The following WDR48 variants were observed in gnomAD, a reference collection of about 807,000 sequenced individuals.
WDR48 encodes WD repeat domain 48, also known as WD repeat-containing protein 48.
Under a neutral mutation model 94.0 loss-of-function variants are expected in WDR48, and 22 were observed. That is an observed-to-expected ratio of 0.23 (90% CI 0.17 to 0.33). WDR48 has a LOEUF of 0.33. Ranked by LOEUF, WDR48 falls within the 10% of genes least tolerant of loss-of-function variation. The pLI is 1.00. For synonymous variants in WDR48, 278 were observed against 280.5 expected (o/e 0.99, Z 0.09); for missense variants, 541 against 813.8 (o/e 0.66, Z 4.08).
intron 11 of WDR48, among the ~76,000 whole-genome samples, chr3:39,082,676 T>C (rs1006162503): frequency 2.6e-5 from 4 of 152,108 alleles, no homozygotes; most frequent in African/African-American, 9.7e-5. Context: ...ATGGAAGTGA[T>C]GTAGGGAATG....
Position 39,085,447 on chromosome 3 carries a change from C to A in WDR48, c.1379-68C>A, listed in dbSNP as rs1420858898. Reference sequence around the variant, plus strand: ...TATGTACAAACTTACAATTTTTATTCTATTTTTAGGTTAAAGCCAAGTAAC... The same window carrying A: ...TATGTACAAACTTACAATTTTTATTATATTTTTAGGTTAAAGCCAAGTAAC... On this transcript the variant is annotated intron_variant, in intron 13 of 18. Transcript: ENST00000302313. 4.1e-6 allele frequency: 5 copies of A among 1,221,342 alleles called. No homozygotes were observed. The South Asian group carries it at 6.4e-5, about 16-fold the overall frequency. 75.7% of individuals were successfully genotyped at this position (1,221,342 alleles called of 1,614,324 possible). A position where few individuals can be genotyped will look rare whatever the true frequency, so the allele number is the denominator to read the frequency against.
chr3:39,078,224 G>T lies in WDR48; in HGVS notation c.1060G>T (p.Asp354Tyr). The T allele has an allele frequency of 1.2e-6, 2 of 1,611,990 alleles. No individual in the cohort carries two copies. The highest frequency in any genetic ancestry group is 2.2e-5 in the South Asian group (2 of 90,806). The change falls in exon 10 of 19, where the codon GAC becomes TAC. Residue 354 changes from aspartate (D) to tyrosine (Y), a missense_variant. Around this residue, in one of 5 missense-constraint regions of WDR48, gnomAD observed 238 missense variants for 285.3 expected, o/e 0.83. Transcript: ENST00000302313. Reference protein sequence around the residue: ...NPITPLCTQPDQVIKGGASII... With the variant: ...NPITPLCTQPYQVIKGGASII... ...TATAACACCTCTTTGTACACAACCTGACCAGGTTATTAAAGGTAAGAAAAT... is the reference window on the plus strand; with the variant it reads ...TATAACACCTCTTTGTACACAACCTTACCAGGTTATTAAAGGTAAGAAAAT...
chr3:39,079,558 A>C (rs899645651), intron 10 of WDR48, among the ~76,000 whole-genome samples, 153 bp from the exon 11 acceptor site: 1 of 152,224 alleles, frequency 6.6e-6, no homozygotes, highest in Non-Finnish European at 1.5e-5. Context: ...GAATTGCTTT[A>C]GATATAATTA....
intron 14 of WDR48, chr3:39,086,310 G>A (rs1462539218): frequency 1.3e-5 from 2 of 152,206 alleles, no homozygotes. Context: ...GCTGGTTGAG[G>A]AATCATTGAG....
intron 3 of WDR48, 70 bp from the exon 4 acceptor site, chr3:39,066,475 ATTG>A: frequency 1.6e-6 from 2 of 1,252,568 alleles, no homozygotes; most frequent in Non-Finnish European, 2.3e-6. Context: ...ATAATGTTAC[ATTG>A]TTGTAAGATA....
Position 39,079,739 on chromosome 3 carries a change from T to G in WDR48, c.1104T>G (p.Ile368Met). ...GTGCTAGTATTATTCAGTGCCACAT[T>G]CTTAATGATAAGAGACATATATTAA... Reference protein sequence around the residue: ...KGGASIIQCHILNDKRHILTK... With the variant: ...KGGASIIQCHMLNDKRHILTK... The change falls in exon 11 of 19, where the codon ATT (isoleucine) becomes ATG (methionine). Residue 368 changes from isoleucine to methionine, a missense_variant. Around this residue, in one of 5 missense-constraint regions of WDR48, gnomAD observed 238 missense variants for 285.3 expected, o/e 0.83. Coordinates refer to ENST00000302313, the MANE Select transcript of WDR48 (RefSeq NM_020839.4). 1 of 1,564,596 alleles carries G rather than the reference T, an allele frequency of 6.4e-7. No individual in the cohort carries two copies. The highest frequency in any genetic ancestry group is 8.6e-7 in the Non-Finnish European group (1 of 1,163,040).
chr3:39,087,002 G>T (rs1292761803), intron 14 of WDR48, among the ~76,000 whole-genome samples: 4 of 152,168 alleles, frequency 2.6e-5, no homozygotes, highest in Admixed American at 6.5e-5. Flanking sequence ...CCCTTACCAA[G>T]TTTCAGGTGG....
chr3:39,094,308 C>T (rs1420924167), intron 18 of WDR48: 2 of 1,423,204 alleles, frequency 1.4e-6, no homozygotes, highest in East Asian at 2.6e-5. Context: ...GACACATGGT[C>T]TTCTTGATTT....
intron 14 of WDR48, among the ~76,000 whole-genome samples, chr3:39,085,890 C>CT (rs1211681925): frequency 6.6e-6 from 1 of 152,086 alleles, no homozygotes; most frequent in African/African-American, 2.4e-5. Flanking sequence ...AATGAGGCAC[C>CT]TTAACAGACT....
rs1432298105 is a variant in WDR48, at chr3:39,052,062, A to C, written c.37A>C (p.Arg13=). Reference sequence around the variant, plus strand: ...TCACCGGCAGAACACAGCAGGGCGGAGGAAAGTGCAGGTATGGAAGCCCGG... The same window carrying C: ...TCACCGGCAGAACACAGCAGGGCGGCGGAAAGTGCAGGTATGGAAGCCCGG... ...AHHRQNTAGR[R]KVQVSYVIRD... Residue 13 remains arginine, a synonymous_variant, in exon 1 of 19, where the codon AGG becomes CGG. Coordinates refer to ENST00000302313, the MANE Select transcript of WDR48 (RefSeq NM_020839.4). 2.5e-6 allele frequency: 4 copies of C among 1,613,688 alleles called. No individual in the cohort carries two copies. The highest frequency in any genetic ancestry group is 2.2e-5 in the East Asian group (1 of 44,864).
At chr3:39,077,035 C>T in intron 8 of WDR48, 104 bp from the exon 9 acceptor site, 3 of 1,295,882 alleles carry the variant, frequency 2.3e-6, no homozygotes, top group Non-Finnish European at 3.3e-6. Context: ...GGTATAGTCA[C>T]CACAATTGTT....
intron 1 of WDR48, chr3:39,052,395 G>A (rs1326447665): frequency 9.9e-6 from 3 of 302,610 alleles, no homozygotes; most frequent in East Asian, 1.7e-4. Flanking sequence ...CCTCCCCCTT[G>A]CCCTGTCTTT....
intron 1 of WDR48, among the ~76,000 whole-genome samples, chr3:39,059,074 C>CA (rs1178955423): frequency 0.066 from 4,560 of 68,950 alleles, 306 homozygotes; most frequent in African/African-American, 0.15. Flanking sequence ...GACTCCGTCT[C>CA]AAAAAAAAAA....
chr3:39,057,120 T>C (rs932215680), intron 1 of WDR48, among the ~76,000 whole-genome samples: 2 of 152,202 alleles, frequency 1.3e-5, no homozygotes, highest in Admixed American at 1.3e-4. Context: ...CATAATATAG[T>C]ACTTAGTAGA....
chr3:39,058,669 C>T (rs2033055955), intron 1 of WDR48, among the ~76,000 whole-genome samples: 2 of 152,142 alleles, frequency 1.3e-5, no homozygotes, highest in African/African-American at 4.8e-5. Flanking sequence ...TGCAATGATA[C>T]GTATGTCTTT....
chr3:39,054,798 C>T (rs556320895), intron 1 of WDR48, among the ~76,000 whole-genome samples: 4 of 151,918 alleles, frequency 2.6e-5, no homozygotes, highest in Non-Finnish European at 4.4e-5. Flanking sequence ...AGGATCTGCT[C>T]GTCTTCCAGG....
intron 11 of WDR48, among the ~76,000 whole-genome samples, chr3:39,080,585 T>G (rs904015244): frequency 2.6e-5 from 4 of 152,232 alleles, no homozygotes; most frequent in Admixed American, 6.5e-5. Flanking sequence ...CAAAGAACCA[T>G]GCTTGAGGGT....
chr3:39,067,709 A>G (rs920301928), intron 5 of WDR48, among the ~76,000 whole-genome samples: 1 of 152,232 alleles, frequency 6.6e-6, no homozygotes. Flanking sequence ...GAGTGTTCAC[A>G]TTGACATAGA....
intron 5 of WDR48, among the ~76,000 whole-genome samples, chr3:39,068,109 TA>T (rs1171713357): frequency 6.6e-6 from 1 of 152,150 alleles, no homozygotes; most frequent in Non-Finnish European, 1.5e-5. Context: ...TACATAATAA[TA>T]AAAATAATAC....
Sources: allele counts gnomAD v4.1 joint callset (sites outside exome capture counted in the v4.1 genomes callset), GRCh38; gene constraint gnomAD v4.1.1; regional missense constraint gnomAD v4.1.1; transcripts MANE v1.5; gene names NCBI Gene and HGNC (gene_info 2026-07-23, HGNC 2026-07-21).